The following MCTP1 variants were observed in gnomAD, a reference collection of about 807,000 sequenced individuals.
MCTP1 encodes the protein multiple C2 and transmembrane domain-containing protein 1.
A neutral mutation model predicts 120.6 loss-of-function variants in MCTP1; 69 were observed. The observed-to-expected ratio is 0.57, with a 90% CI of 0.47 to 0.70. The LOEUF (loss-of-function observed/expected upper bound fraction) is 0.70. Among genes scored for constraint, MCTP1 ranks in the 30% least tolerant of loss-of-function variants. The pLI, the probability that MCTP1 is intolerant of heterozygous loss-of-function variation, is 0.00. For synonymous variants in MCTP1, 529 were observed against 493.1 expected (o/e 1.07, Z -0.96); for missense variants, 1,203 against 1,248.8 (o/e 0.96, Z 0.55).
chr5:94,836,150 A>C (rs1789694966), intron 17 of MCTP1, among the ~76,000 whole-genome samples: 1 of 128,868 alleles, frequency 7.8e-6, no homozygotes. Flanking sequence ...ACTGCACTCC[A>C]GCCTGGGCAA....
chr5:95,100,353 C>T (rs935941949), intron 1 of MCTP1, among the ~76,000 whole-genome samples: 2 of 151,876 alleles, frequency 1.3e-5, no homozygotes, highest in Non-Finnish European at 1.5e-5. Context: ...AAATATTTAC[C>T]TACATTTACT....
Position 94,707,435 on chromosome 5 carries a change from CTGAGGG to C in MCTP1, c.*55_*60del, listed in dbSNP as rs1320097271. On this transcript the variant is annotated 3_prime_UTR_variant, in exon 23 of 23. Coordinates refer to ENST00000515393, the MANE Select transcript of MCTP1 (RefSeq NM_024717.7). ...AGAAAGAAAGGAAATGCTGCTGAGG[CTGAGGG>C]CTTTTTCTTTTATCTTCCCAAACAG... 3 of 1,267,056 alleles carry C rather than the reference CTGAGGG, an allele frequency of 2.4e-6. No individual in the cohort carries two copies. The highest frequency in any genetic ancestry group is 3.4e-6 in the Non-Finnish European group (3 of 882,512). The allele number at this position is 1,267,056 out of a possible 1,614,324, so 78.5% of individuals were successfully genotyped here.
intron 4 of MCTP1, among the ~76,000 whole-genome samples, chr5:94,940,464 A>T (rs948264785): frequency 6.7e-6 from 1 of 149,978 alleles, no homozygotes; most frequent in African/African-American, 2.4e-5. Context: ...CCTATTAAGA[A>T]GCCTATCAGT....
chr5:94,953,943 A>AATATAT (rs147179108), intron 2 of MCTP1, among the ~76,000 whole-genome samples: 2 of 20,812 alleles, frequency 9.6e-5, no homozygotes, highest in African/African-American at 2.1e-4. Context: ...TATATATACA[A>AATATAT]ATATATATGC....
At chr5:95,133,874 A>T (rs1759238650) in intron 1 of MCTP1, among the ~76,000 whole-genome samples, 1 of 152,216 alleles carries the variant, frequency 6.6e-6, no homozygotes, top group South Asian at 2.1e-4. Flanking sequence ...TCTTCTACGG[A>T]AAGAAAAAAG....
chr5:95,050,917 C>A (rs1370524307), intron 1 of MCTP1, among the ~76,000 whole-genome samples: 1 of 152,114 alleles, frequency 6.6e-6, no homozygotes, highest in East Asian at 1.9e-4. Context: ...TGAGGACAAA[C>A]ATACACACAG....
chr5:94,776,932 A>G (rs1775480827), intron 19 of MCTP1, among the ~76,000 whole-genome samples: 2 of 152,332 alleles, frequency 1.3e-5, no homozygotes, highest in East Asian at 1.9e-4. Context: ...GAAAAACTAT[A>G]TTTCAAGATG....
At chr5:94,997,918 T>C (rs1832930695) in intron 2 of MCTP1, among the ~76,000 whole-genome samples, 1 of 152,228 alleles carries the variant, frequency 6.6e-6, no homozygotes, top group African/African-American at 2.4e-5. Context: ...CATGTATGTA[T>C]ATTTAAAATA....
intron 1 of MCTP1, among the ~76,000 whole-genome samples, chr5:95,224,506 CT>C (rs11324947): frequency 0.75 from 82,994 of 111,370 alleles, 29,621 homozygotes; most frequent in East Asian, 0.8. Context: ...CACAGACTGT[CT>C]TTTTTTTTTT....
At chr5:95,051,074 C>G (rs369712249) in intron 1 of MCTP1, among the ~76,000 whole-genome samples, 10 of 152,162 alleles carry the variant, frequency 6.6e-5, no homozygotes, top group East Asian at 3.8e-4. Flanking sequence ...CTTCCAGCTT[C>G]CAAACTGTGA....
At chr5:95,055,419 T>TA in intron 1 of MCTP1, among the ~76,000 whole-genome samples, 1 of 152,376 alleles carries the variant, frequency 6.6e-6, no homozygotes, top group East Asian at 1.9e-4. Context: ...GTATTACTAA[T>TA]AATTGACATC....
chr5:95,143,108 T>C (rs190841347), intron 1 of MCTP1, among the ~76,000 whole-genome samples: 1 of 152,188 alleles, frequency 6.6e-6, no homozygotes, highest in African/African-American at 2.4e-5. Context: ...TACCATGTAT[T>C]ATAGGCATTC....
intron 1 of MCTP1, among the ~76,000 whole-genome samples, chr5:95,042,696 A>G (rs1225819857): frequency 6.6e-6 from 1 of 152,194 alleles, no homozygotes; most frequent in Non-Finnish European, 1.5e-5. Flanking sequence ...ACAGGCACAT[A>G]CCCTTTTACA....
At chr5:95,204,504 C>A (rs929734298) in intron 1 of MCTP1, among the ~76,000 whole-genome samples, 3 of 152,170 alleles carry the variant, frequency 2.0e-5, no homozygotes, top group African/African-American at 7.2e-5. Flanking sequence ...CTATTCAACA[C>A]TGCACTAGAG....
chr5:94,881,427 C>T (rs1327462433), intron 12 of MCTP1, among the ~76,000 whole-genome samples: 2 of 152,128 alleles, frequency 1.3e-5, no homozygotes, highest in Non-Finnish European at 2.9e-5. Flanking sequence ...GGACCTAAAC[C>T]TTGGCCATTA....
At chr5:95,083,200 A>C (rs890713602) in intron 1 of MCTP1, among the ~76,000 whole-genome samples, 3 of 152,192 alleles carry the variant, frequency 2.0e-5, no homozygotes, top group Non-Finnish European at 4.4e-5. Context: ...TAAAATTAAG[A>C]AATGTGTTTC....
At chr5:95,012,006 T>A (rs551981544) in intron 2 of MCTP1, among the ~76,000 whole-genome samples, 1 of 152,106 alleles carries the variant, frequency 6.6e-6, no homozygotes, top group African/African-American at 2.4e-5. Context: ...GAGCCTTGAT[T>A]ACTTTTATTG....
At position 95,017,474 on chromosome 5, in the gene MCTP1, TTTA is replaced by T; in HGVS notation, c.728_730del (p.Ile243del). 6.3e-7 allele frequency: 1 copy of T among 1,589,394 alleles called. No homozygotes were observed. The highest frequency in any genetic ancestry group is 8.6e-7 in the Non-Finnish European group (1 of 1,167,380). ...TTCTGCATTACTGGTTCCAGCAGTGTTTATTATTTTCTGGAAAACACGAAATAT... is the reference window on the plus strand; with the variant it reads ...TTCTGCATTACTGGTTCCAGCAGTGTTTATTTTCTGGAAAACACGAAATAT... On this transcript the variant is annotated inframe_deletion, in exon 2 of 23. Coordinates refer to ENST00000515393, the MANE Select transcript of MCTP1 (RefSeq NM_024717.7).
intron 19 of MCTP1, among the ~76,000 whole-genome samples, chr5:94,760,557 C>T (rs547974411): frequency 7.6e-4 from 116 of 152,304 alleles, no homozygotes; most frequent in African/African-American, 2.6e-3. Flanking sequence ...AAAGAAATAG[C>T]ATTTATGCAC....
Sources: allele counts gnomAD v4.1 joint callset (sites outside exome capture counted in the v4.1 genomes callset), GRCh38; gene constraint gnomAD v4.1.1; transcripts MANE v1.5; gene names NCBI Gene and HGNC (gene_info 2026-07-23, HGNC 2026-07-21).